LIN28B: variants seen among roughly 807,000 people sequenced by gnomAD.
The protein encoded by LIN28B is protein lin-28 homolog B.
LIN28B carries 5 observed loss-of-function variants against 21.9 expected under a neutral mutation model. That is an observed-to-expected ratio of 0.23 (90% confidence interval 0.12 to 0.48). The LOEUF is 0.48. LIN28B is among the 20% of genes least tolerant of loss of function. The pLI, the probability that LIN28B is intolerant of heterozygous loss-of-function variation, is 0.98. For missense variants in LIN28B, 245 were observed against 310.5 expected, an observed-to-expected ratio of 0.79 and a Z score of 1.58; for synonymous variants, 109 against 111.3, an observed-to-expected ratio of 0.98 and a Z score of 0.13.
chr6:105,016,660 T>C (rs1771033883), intron 2 of LIN28B, among the ~76,000 whole-genome samples: 2 of 152,126 alleles, frequency 1.3e-5, no homozygotes, highest in African/African-American at 4.8e-5. Flanking sequence ...CCCTCTCTGC[T>C]TCAAATATAT....
intron 2 of LIN28B, among the ~76,000 whole-genome samples, chr6:104,999,863 A>G (rs1770684947): frequency 6.6e-6 from 1 of 152,044 alleles, no homozygotes; most frequent in African/African-American, 2.4e-5. Flanking sequence ...TGTTTTTATT[A>G]GAGACGGGGT....
At chr6:104,949,673 T>G (rs2114551441) in intron 2 of LIN28B, among the ~76,000 whole-genome samples, 2 of 152,312 alleles carry the variant, frequency 1.3e-5, no homozygotes, top group East Asian at 3.9e-4. Context: ...CAATCTGTTT[T>G]GCAAACCTTA....
intron 3 of LIN28B, among the ~76,000 whole-genome samples, chr6:105,068,105 T>A (rs1435947494): frequency 6.6e-6 from 1 of 152,208 alleles, no homozygotes; most frequent in East Asian, 1.9e-4. Flanking sequence ...TCACTGATGT[T>A]ATGAGATAGT....
At chr6:105,074,647 TA>T (rs1231455543) in intron 3 of LIN28B, among the ~76,000 whole-genome samples, 1 of 152,256 alleles carries the variant, frequency 6.6e-6, no homozygotes, top group East Asian at 1.9e-4. Context: ...ACAGTATTTA[TA>T]AAATGATTTT....
rs569264456 is a variant in LIN28B, at chr6:105,083,161, C to G, written c.*4378C>G. ...AAAAAAGGGGTAGATGTTTGGAATG[C>G]GTTTCACTCGCATGCAGTCATCTGG... On this transcript the variant is annotated 3_prime_UTR_variant, in exon 4 of 4. Transcript: ENST00000345080. The G allele has an allele frequency of 6.6e-6, 1 of 152,570 alleles. No homozygotes were observed. Among genetic ancestry groups the G allele is most frequent in the African/African-American group, 2.4e-5 (1 of 41,426 alleles). The allele number at this position is 152,570 out of a possible 1,614,324, so 9.5% of individuals were successfully genotyped here.
intron 3 of LIN28B, among the ~76,000 whole-genome samples, chr6:105,042,369 G>C (rs1771656173): frequency 6.6e-6 from 1 of 152,158 alleles, no homozygotes; most frequent in Non-Finnish European, 1.5e-5. Context: ...GGAAGGCCTT[G>C]CTACAAAAAC....
In LIN28B at chr6:105,069,365, A is replaced by G. The variant is rs149880125; in HGVS notation, c.384-9049A>G. ...AAGATGGAGAATTAAAAGAGTTATT[A>G]TGGGAAATCAGTAATTGTTAATTGG... On this transcript the variant is annotated intron_variant, in intron 3 of 3. Coordinates refer to ENST00000345080, the MANE Select transcript of LIN28B (RefSeq NM_001004317.4). 1.2e-3 allele frequency among the ~76,000 whole-genome samples: 187 copies of G among 152,348 alleles called. 1 individual carries two copies. The highest frequency in any genetic ancestry group is 4.1e-3 in the African/African-American group (172 of 41,586).
At chr6:105,000,653 TAAAG>T (rs1415723164) in intron 2 of LIN28B, among the ~76,000 whole-genome samples, 1 of 151,546 alleles carries the variant, frequency 6.6e-6, no homozygotes, top group African/African-American at 2.4e-5. Context: ...ATTTAAATAA[TAAAG>T]AATAAAAATT....
At chr6:105,019,016 G>A (rs2114323359) in intron 2 of LIN28B, among the ~76,000 whole-genome samples, 1 of 151,778 alleles carries the variant, frequency 6.6e-6, no homozygotes, top group African/African-American at 2.4e-5. Flanking sequence ...CACAACCTCA[G>A]CCCACTGCAA....
At chr6:104,964,383 C>A (rs1413169661) in intron 2 of LIN28B, among the ~76,000 whole-genome samples, 1 of 152,144 alleles carries the variant, frequency 6.6e-6, no homozygotes, top group African/African-American at 2.4e-5. Flanking sequence ...AGTGAAGATA[C>A]TTCTGATCAA....
intron 3 of LIN28B, among the ~76,000 whole-genome samples, chr6:105,054,517 A>G (rs551665397): frequency 4.6e-5 from 7 of 152,296 alleles, no homozygotes; most frequent in Admixed American, 2.0e-4. Flanking sequence ...CTGTAGATCT[A>G]TCTTTATCCC....
At chr6:105,056,230 C>T (rs2090118563) in intron 3 of LIN28B, among the ~76,000 whole-genome samples, 1 of 149,882 alleles carries the variant, frequency 6.7e-6, no homozygotes, top group African/African-American at 2.4e-5. Context: ...AAATATGGGT[C>T]ACTTTTTCCT....
At chr6:104,999,007 C>A (rs1474610440) in intron 2 of LIN28B, among the ~76,000 whole-genome samples, 4 of 151,930 alleles carry the variant, frequency 2.6e-5, no homozygotes, top group African/African-American at 9.7e-5. Context: ...GTATATAGAA[C>A]TTTTGAGAAT....
intron 2 of LIN28B, among the ~76,000 whole-genome samples, chr6:104,977,036 A>T (rs1000853094): frequency 1.3e-5 from 2 of 149,586 alleles, no homozygotes; most frequent in Admixed American, 6.7e-5. Context: ...CCTTATTTTT[A>T]TTTTTTTTTT....
intron 3 of LIN28B, among the ~76,000 whole-genome samples, chr6:105,035,168 A>G (rs1454644908): frequency 6.6e-6 from 1 of 152,118 alleles, no homozygotes; most frequent in African/African-American, 2.4e-5. Flanking sequence ...GTGTCATTTT[A>G]TTAAAGAATA....
chr6:105,004,198 A>T (rs1008038906), intron 2 of LIN28B, among the ~76,000 whole-genome samples: 1 of 152,182 alleles, frequency 6.6e-6, no homozygotes, highest in Admixed American at 6.5e-5. Flanking sequence ...GACCACCCAG[A>T]TTAAGGGTGG....
intron 2 of LIN28B, among the ~76,000 whole-genome samples, chr6:105,009,267 T>G (rs1194484083): frequency 6.6e-6 from 1 of 152,192 alleles, no homozygotes; most frequent in Non-Finnish European, 1.5e-5. Flanking sequence ...TGTGTAATAG[T>G]GCATGTTATA....
intron 3 of LIN28B, among the ~76,000 whole-genome samples, chr6:105,029,947 CA>C (rs1771384320): frequency 6.6e-6 from 1 of 152,074 alleles, no homozygotes; most frequent in Non-Finnish European, 1.5e-5. Context: ...GCAGTGGAGT[CA>C]AAGAATTATA....
At chr6:104,998,573 T>C (rs375892939) in intron 2 of LIN28B, among the ~76,000 whole-genome samples, 1 of 152,154 alleles carries the variant, frequency 6.6e-6, no homozygotes, top group East Asian at 1.9e-4. Flanking sequence ...ATATAAAAAA[T>C]TAATTTCTTC....
Sources: allele counts gnomAD v4.1 joint callset (sites outside exome capture counted in the v4.1 genomes callset), GRCh38; gene constraint gnomAD v4.1.1; transcripts MANE v1.5; gene names NCBI Gene and HGNC (gene_info 2026-07-23, HGNC 2026-07-21).